SCAI: variants seen among roughly 807,000 people sequenced by gnomAD.
SCAI encodes protein SCAI.
In SCAI, 24 loss-of-function variants were observed where a neutral mutation model predicts 92.2. The observed-to-expected ratio is 0.26, with a 90% CI of 0.19 to 0.37. The LOEUF is 0.37. Ranked by LOEUF, SCAI falls within the 10% of genes least tolerant of loss-of-function variation. SCAI has a pLI of 1.00. For missense variants in SCAI, 450 were observed against 736.2 expected, an observed-to-expected ratio of 0.61 and a Z score of 4.50; for synonymous variants, 261 against 258.6, an observed-to-expected ratio of 1.01 and a Z score of -0.09.
At chr9:124,959,577 T>C (rs1398438837) in intron 17 of SCAI, among the ~76,000 whole-genome samples, 1 of 149,498 alleles carries the variant, frequency 6.7e-6, no homozygotes, top group African/African-American at 2.5e-5. Flanking sequence ...CTAGGGTACA[T>C]GTGCCATGCA....
At chr9:124,997,968 ATT>A (rs747115745) in intron 13 of SCAI, among the ~76,000 whole-genome samples, 19 of 151,582 alleles carry the variant, frequency 1.3e-4, no homozygotes, top group Non-Finnish European at 2.2e-4. Context: ...ATTTAAAAAA[ATT>A]TTTTTTTAAG....
intron 17 of SCAI, among the ~76,000 whole-genome samples, chr9:124,961,521 A>G (rs1304338296): frequency 3.3e-5 from 5 of 151,684 alleles, no homozygotes; most frequent in Non-Finnish European, 5.9e-5. Flanking sequence ...GTGGTGGCAC[A>G]CACCTGTAAT....
At chr9:125,026,975 G>T in intron 5 of SCAI, 65 bp from the exon 6 acceptor site, 3 of 926,130 alleles carry the variant, frequency 3.2e-6, no homozygotes, top group South Asian at 1.5e-5. Flanking sequence ...GTAAATACTT[G>T]TTCTATATAC....
In SCAI at chr9:125,126,569, T is replaced by G. The variant is rs908915858; in HGVS notation, c.98+16064A>C. Among the ~76,000 whole-genome samples, 41 of 131,168 alleles carry G rather than the reference T, an allele frequency of 3.1e-4. No individual in the cohort carries two copies. In the East Asian group the frequency reaches 3.8e-3, roughly 12 times the overall value. 86.1% of individuals were successfully genotyped at this position (131,168 alleles called of 152,430 possible). A position where few individuals can be genotyped will look rare whatever the true frequency, so the allele number is the denominator to read the frequency against. On this transcript the variant is annotated intron_variant, in intron 2 of 17. Coordinates refer to ENST00000336505, the MANE Select transcript of SCAI (RefSeq NM_001144877.3). Reference sequence around the variant, plus strand: ...AGTGAGGTGGGTGGGTGGGTGTGGGTGTGTGTGTGTGTGTGTGTGTGAGAG... The same window carrying G: ...AGTGAGGTGGGTGGGTGGGTGTGGGGGTGTGTGTGTGTGTGTGTGTGAGAG...
chr9:125,035,103 C>T (rs1476472313), intron 3 of SCAI, among the ~76,000 whole-genome samples: 1 of 151,978 alleles, frequency 6.6e-6, no homozygotes, highest in Non-Finnish European at 1.5e-5. Context: ...GCTTGCAATC[C>T]CAGCACTTTG....
chr9:125,143,108 C>A (rs147135429), intron 1 of SCAI, among the ~76,000 whole-genome samples: 2,221 of 151,306 alleles, frequency 0.015, 103 homozygotes, highest in Admixed American at 0.081. Context: ...CACGGCCCCT[C>A]CGGGGGCGCG....
intron 17 of SCAI, among the ~76,000 whole-genome samples, chr9:124,962,643 G>A (rs541749358): frequency 2.0e-5 from 3 of 151,848 alleles, no homozygotes; most frequent in Non-Finnish European, 2.9e-5. Context: ...TCTTAAAATG[G>A]CATGCAACCA....
At chr9:124,990,068 G>C (rs1383069586) in intron 14 of SCAI, among the ~76,000 whole-genome samples, 1 of 151,504 alleles carries the variant, frequency 6.6e-6, no homozygotes, top group Admixed American at 6.6e-5. Context: ...GAGCTACTCA[G>C]GAGGCTAAGG....
chr9:125,072,268 C>T (rs553527125), intron 2 of SCAI, among the ~76,000 whole-genome samples: 3 of 152,232 alleles, frequency 2.0e-5, no homozygotes, highest in Non-Finnish European at 2.9e-5. Context: ...ATGATCCGCC[C>T]ACCTTGGCCT....
chr9:124,970,119 TG>T (rs1421474169), intron 17 of SCAI, among the ~76,000 whole-genome samples: 1 of 152,160 alleles, frequency 6.6e-6, no homozygotes, highest in Non-Finnish European at 1.5e-5. Flanking sequence ...CCCAAAGTGC[TG>T]GGATTACAGG....
intron 2 of SCAI, among the ~76,000 whole-genome samples, chr9:125,062,039 A>C (rs1488456334): frequency 6.6e-6 from 1 of 152,154 alleles, no homozygotes; most frequent in Non-Finnish European, 1.5e-5. Flanking sequence ...ATGGAGTTAA[A>C]GTTTGCTGAG....
chr9:124,974,459 A>G (rs2131592191), intron 15 of SCAI, among the ~76,000 whole-genome samples: 1 of 152,126 alleles, frequency 6.6e-6, no homozygotes, highest in African/African-American at 2.4e-5. Context: ...AAAAAAAAAA[A>G]AAAAAAATTG....
intron 2 of SCAI, among the ~76,000 whole-genome samples, chr9:125,062,628 G>C (rs1394574000): frequency 6.6e-6 from 1 of 151,692 alleles, no homozygotes; most frequent in Non-Finnish European, 1.5e-5. Flanking sequence ...GGTGGCACAC[G>C]CCTGTAATCC....
chr9:125,102,669 C>T (rs1450076199), intron 2 of SCAI, among the ~76,000 whole-genome samples: 4 of 152,016 alleles, frequency 2.6e-5, no homozygotes, highest in East Asian at 1.9e-4. Context: ...ACGATCTAAG[C>T]TCACTGCAAC....
chr9:125,141,445 C>G (rs1291334640), intron 2 of SCAI, among the ~76,000 whole-genome samples: 1 of 152,236 alleles, frequency 6.6e-6, no homozygotes, highest in Non-Finnish European at 1.5e-5. Flanking sequence ...AAGGAATCAT[C>G]TAATGACTAC....
intron 14 of SCAI, among the ~76,000 whole-genome samples, 169 bp from the exon 15 acceptor site, chr9:124,976,355 T>C (rs901170004): frequency 1.3e-5 from 2 of 152,242 alleles, no homozygotes; most frequent in African/African-American, 2.4e-5. Context: ...ATAAGTACCA[T>C]GCATAATAGG....
chr9:125,011,868 G>A lies in SCAI; in HGVS notation c.861+6931C>T, dbSNP rs370033114. On this transcript the variant is annotated intron_variant, in intron 9 of 17. Coordinates refer to ENST00000336505, the MANE Select transcript of SCAI (RefSeq NM_001144877.3). ...CTCTACAAGCCAGAAGAGAGTGGGG[G>A]CCAATATTCAACATTCTTAAAGAAA... 5.3e-4 allele frequency among the ~76,000 whole-genome samples: 81 copies of A among 152,312 alleles called. 1 individual carries two copies. The East Asian group carries it at 0.014, about 26-fold the overall frequency.
Position 125,111,653 on chromosome 9 carries a change from G to A in SCAI, c.98+30980C>T, listed in dbSNP as rs1038788602. Among the ~76,000 whole-genome samples, 7 of 152,032 alleles carry A rather than the reference G, an allele frequency of 4.6e-5. No homozygotes were observed. The East Asian group carries it at 1.3e-3, about 29-fold the overall frequency. ...TGTTCTTCTTCCAGTGTGGCCCAGG[G>A]AAGCCAAAGATTGTACATCCCTGGA... On this transcript the variant is annotated intron_variant, in intron 2 of 17. Coordinates refer to ENST00000336505, the MANE Select transcript of SCAI (RefSeq NM_001144877.3).
intron 2 of SCAI, among the ~76,000 whole-genome samples, chr9:125,138,251 T>C (rs1835583419): frequency 2.0e-5 from 1 of 49,584 alleles, no homozygotes; most frequent in African/African-American, 8.7e-5. Flanking sequence ...TATTATTTCT[T>C]TTTTTTTTTT....
Sources: gnomAD v4.1 joint callset for allele counts (sites outside exome capture counted in the v4.1 genomes callset) on GRCh38, gnomAD v4.1.1 for gene constraint, MANE v1.5 for transcripts, NCBI Gene and HGNC (gene_info 2026-07-23, HGNC 2026-07-21) for gene names.